Variants in ARL8B observed in about 807,000 individuals in gnomAD.
The protein encoded by ARL8B is ARF like GTPase 8B.
In ARL8B, 9 loss-of-function variants were observed where a neutral mutation model predicts 30.6. The ratio of observed to expected loss-of-function variants is 0.29; its 90% CI spans 0.18 to 0.51. The LOEUF is 0.51. Among genes scored for constraint, ARL8B ranks in the 20% least tolerant of loss-of-function variants. The pLI is 0.97. For synonymous variants in ARL8B, 74 were observed against 76.0 expected, an observed-to-expected ratio of 0.97 and a Z score of 0.14; for missense variants, 130 against 227.2, an observed-to-expected ratio of 0.57 and a Z score of 2.75.
intron 1 of ARL8B, among the ~76,000 whole-genome samples, chr3:5,131,166 A>G (rs2054279892): frequency 6.6e-6 from 1 of 152,020 alleles, no homozygotes; most frequent in Non-Finnish European, 1.5e-5. Context: ...TAGCCTCCCA[A>G]AGTACTGGGA....
At chr3:5,134,152 C>CAG (rs751507315) in intron 1 of ARL8B, among the ~76,000 whole-genome samples, 60 of 152,322 alleles carry the variant, frequency 3.9e-4, no homozygotes, top group Non-Finnish European at 6.9e-4. Flanking sequence ...AGTTTCTCTT[C>CAG]AAAAGAGTGG....
intron 1 of ARL8B, among the ~76,000 whole-genome samples, chr3:5,160,426 C>A (rs576278036): frequency 6.6e-6 from 1 of 152,248 alleles, no homozygotes; most frequent in African/African-American, 2.4e-5. Context: ...ATGAAATAAT[C>A]TTTAGAGACC....
At chr3:5,127,815 G>A (rs978836464) in intron 1 of ARL8B, among the ~76,000 whole-genome samples, 3 of 139,942 alleles carry the variant, frequency 2.1e-5, no homozygotes, top group Non-Finnish European at 4.6e-5. Flanking sequence ...AGAGCTTGCA[G>A]TGAGCCAAGA....
In ARL8B at chr3:5,150,990, C is replaced by T. The variant is rs536854976; in HGVS notation, c.124-19513C>T. On this transcript the variant is annotated intron_variant, in intron 1 of 6. Coordinates refer to ENST00000256496, the MANE Select transcript of ARL8B (RefSeq NM_018184.3). ...AAAGTTGTTGAATTTATGAGCATAG[C>T]GTGTTTATAGTATTCTCTTATTTAT... 1.7e-4 allele frequency among the ~76,000 whole-genome samples: 26 copies of T among 152,012 alleles called. No individual in the cohort carries two copies. The East Asian group carries it at 4.5e-3, about 26-fold the overall frequency.
At chr3:5,144,246 C>G (rs185128284) in intron 1 of ARL8B, among the ~76,000 whole-genome samples, 2 of 152,290 alleles carry the variant, frequency 1.3e-5, no homozygotes, top group African/African-American at 4.8e-5. Flanking sequence ...TTCCACCTAG[C>G]CAGAAAGGTG....
In ARL8B at chr3:5,172,204, A is replaced by G. The variant is rs2054682647; in HGVS notation, c.259A>G (p.Arg87Gly). The G allele has an allele frequency of 6.2e-7, 1 of 1,613,522 alleles. No homozygotes were observed. The highest frequency in any genetic ancestry group is 1.3e-5 in the African/African-American group (1 of 75,022). Residue 87 changes from arginine (R) to glycine (G), a missense_variant, in exon 3 of 7, where the codon AGA becomes GGA. Arg to Gly is a moderately radical substitution (Grantham distance 125). Coordinates refer to ENST00000256496, the MANE Select transcript of ARL8B (RefSeq NM_018184.3). ...RFRSMWERYCRGVNAIVYMID... is the reference protein window; with the variant it reads ...RFRSMWERYCGGVNAIVYMID... The stretch of plus-strand genomic sequence containing the variant: ...TCGAAGCATGTGGGAGCGGTATTGC[A>G]GAGGAGTCAATGCTATTGTGTAAGT...
At chr3:5,172,538 TTAA>T (rs1206968289) in intron 3 of ARL8B, 106 bp from the exon 4 acceptor site, 5 of 776,460 alleles carry the variant, frequency 6.4e-6, no homozygotes, top group Non-Finnish European at 1.0e-5. Context: ...TTTATTTTGG[TTAA>T]TAATTTCAAT....
intron 2 of ARL8B, 29 bp from the exon 3 acceptor site, chr3:5,172,121 A>G (rs2054682082): frequency 1.3e-6 from 2 of 1,575,520 alleles, no homozygotes; most frequent in Non-Finnish European, 1.7e-6. Flanking sequence ...AAATATCTTT[A>G]TTAAGAATTG....
intron 1 of ARL8B, among the ~76,000 whole-genome samples, chr3:5,137,252 G>A (rs2054335272): frequency 6.6e-6 from 1 of 151,822 alleles, no homozygotes; most frequent in Non-Finnish European, 1.5e-5. Flanking sequence ...CTCCTTAGGT[G>A]GTAGGTTGAT....
intron 1 of ARL8B, among the ~76,000 whole-genome samples, chr3:5,163,006 G>A (rs1185866493): frequency 2.7e-5 from 1 of 37,224 alleles, no homozygotes; most frequent in Non-Finnish European, 4.8e-5. Flanking sequence ...TTTTTTTTTT[G>A]AGACGGAGTC....
rs533588424 is a variant in ARL8B, at chr3:5,154,398, G to A, written c.124-16105G>A. Among the ~76,000 whole-genome samples, 35 of 150,964 alleles carry A rather than the reference G, an allele frequency of 2.3e-4. 1 individual carries two copies. The highest frequency in any genetic ancestry group is 4.0e-4 in the Admixed American group (6 of 15,152). On this transcript the variant is annotated intron_variant, in intron 1 of 6. Coordinates refer to ENST00000256496, the MANE Select transcript of ARL8B (RefSeq NM_018184.3). The stretch of plus-strand genomic sequence containing the variant: ...GCCCGAGGGTGGAGTGCACTGGTAC[G>A]ATCTTGGCTCAGTGCAACCTCTGCC...
intron 3 of ARL8B, 124 bp from the exon 4 acceptor site, chr3:5,172,523 C>T: frequency 1.4e-6 from 1 of 710,658 alleles, no homozygotes; most frequent in Non-Finnish European, 2.3e-6. Flanking sequence ...TTTCTTATGA[C>T]ATAGTTTATT....
intron 1 of ARL8B, among the ~76,000 whole-genome samples, chr3:5,158,941 G>T (rs372637700): frequency 6.6e-6 from 1 of 152,036 alleles, no homozygotes; most frequent in African/African-American, 2.4e-5. Context: ...GTCTTCCTCC[G>T]TAAGGGATTT....
chr3:5,133,418 T>C (rs112660107), intron 1 of ARL8B, among the ~76,000 whole-genome samples: 68 of 152,130 alleles, frequency 4.5e-4, no homozygotes, highest in African/African-American at 1.6e-3. Flanking sequence ...AGGGAGACAG[T>C]TGGGGAGGAG....
At chr3:5,141,183 C>A (rs55885779) in intron 1 of ARL8B, among the ~76,000 whole-genome samples, 1 of 152,094 alleles carries the variant, frequency 6.6e-6, no homozygotes, top group South Asian at 2.1e-4. Context: ...TCATGACCTT[C>A]TGGGTGCATG....
At chr3:5,164,826 T>C (rs1363439227) in intron 1 of ARL8B, among the ~76,000 whole-genome samples, 1 of 152,220 alleles carries the variant, frequency 6.6e-6, no homozygotes, top group African/African-American at 2.4e-5. Flanking sequence ...CTGCTTTTAA[T>C]TGTCATGTCT....
chr3:5,141,581 C>T (rs1274298397), intron 1 of ARL8B, among the ~76,000 whole-genome samples: 2 of 152,182 alleles, frequency 1.3e-5, no homozygotes, highest in African/African-American at 4.8e-5. Flanking sequence ...TTCCATTTTC[C>T]AAACCAACCA....
At chr3:5,175,920 C>G (rs570268190) in intron 6 of ARL8B, among the ~76,000 whole-genome samples, 2 of 152,294 alleles carry the variant, frequency 1.3e-5, no homozygotes, top group African/African-American at 4.8e-5. Flanking sequence ...CTTATCTTAA[C>G]TAATAACTTG....
chr3:5,178,415 G>A (rs2054749589), intron 6 of ARL8B, among the ~76,000 whole-genome samples: 1 of 150,384 alleles, frequency 6.6e-6, no homozygotes, highest in African/African-American at 2.5e-5. Flanking sequence ...GATTGTGTGG[G>A]CAACACATAA....
Sources: gnomAD v4.1 joint callset for allele counts (sites outside exome capture counted in the v4.1 genomes callset) on GRCh38, gnomAD v4.1.1 for gene constraint, MANE v1.5 for transcripts, NCBI Gene and HGNC (gene_info 2026-07-23, HGNC 2026-07-21) for gene names.